LHCGR: variants seen among roughly 807,000 people sequenced by gnomAD.
LHCGR encodes luteinizing hormone/choriogonadotropin receptor, also known as lutropin-choriogonadotropic hormone receptor.
Under a neutral mutation model 60.7 loss-of-function variants are expected in LHCGR, and 55 were observed. The observed-to-expected ratio is 0.91, with a 90% CI of 0.73 to 1.13. The LOEUF is 1.13. Among genes scored for constraint, LHCGR ranks in the 50% most tolerant of loss-of-function variants. The probability of loss-of-function intolerance (pLI) is 0.00; values close to 1 mark genes in which losing one functional copy is unlikely to be tolerated. For missense variants in LHCGR, 862 were observed against 836.0 expected (o/e 1.03, Z -0.38); for synonymous variants, 337 against 316.5 (o/e 1.06, Z -0.69).
At chr2:48,706,975 T>C (rs1284110819) in intron 8 of LHCGR, among the ~76,000 whole-genome samples, 2 of 152,242 alleles carry the variant, frequency 1.3e-5, no homozygotes, top group African/African-American at 4.8e-5. Context: ...AGCGATGTTC[T>C]GGTTTTTGGA....
At position 48,688,730 on chromosome 2, in the gene LHCGR, A is replaced by T; in HGVS notation, c.1067T>A (p.Ile356Asn). 1 of 1,614,128 alleles carries T rather than the reference A, an allele frequency of 6.2e-7. No individual in the cohort carries two copies. Among genetic ancestry groups the T allele is most frequent in the Non-Finnish European group, 8.5e-7 (1 of 1,179,978 alleles). ...GACCCTAAGGAAGTCATAGCCCATA[A>T]TATCTTCACAGGGATTAAAAGCATC... is the stretch of plus-strand genomic sequence containing the variant. ...EPDAFNPCED[I>N]MGYDFLRVLI... The change falls in exon 11 of 11, where the codon ATT becomes AAT. Residue 356 changes from isoleucine (I) to asparagine (N), a missense_variant. Ile to Asn is a moderately radical substitution (Grantham distance 149). Transcript: ENST00000294954. This position sits in a 1 kb window ranked among gnomAD's most constrained non-coding sequence, Gnocchi z 5.2.
chr2:48,711,102 C>T (rs892049514), intron 7 of LHCGR, among the ~76,000 whole-genome samples: 2 of 152,154 alleles, frequency 1.3e-5, no homozygotes, highest in Non-Finnish European at 2.9e-5. Context: ...ATATCTGCTC[C>T]CTCTTTCTGT....
intron 3 of LHCGR, 71 bp from the exon 4 acceptor site, chr2:48,725,821 G>C: frequency 7.9e-7 from 1 of 1,272,096 alleles, no homozygotes; most frequent in Non-Finnish European, 1.1e-6. Context: ...GTGAGATCAT[G>C]GTCACCAGAA....
At chr2:48,690,383 G>T (rs1283451179) in intron 10 of LHCGR, among the ~76,000 whole-genome samples, 2 of 152,152 alleles carry the variant, frequency 1.3e-5, no homozygotes, top group South Asian at 4.1e-4. Context: ...ATTAATATCC[G>T]TGTGCCTCAA....
At chr2:48,706,950 A>T (rs531409546) in intron 8 of LHCGR, among the ~76,000 whole-genome samples, 41 of 152,216 alleles carry the variant, frequency 2.7e-4, no homozygotes, top group South Asian at 8.3e-4. Context: ...AGGAGTGGTG[A>T]TCCTTTGGAG....
rs545147460 is a variant in LHCGR, at chr2:48,723,713, G to A, written c.384-17C>T. On this transcript the variant is annotated splice_polypyrimidine_tract_variant and intron_variant, in intron 4 of 10. Transcript: ENST00000294954. ...CAGATGCTCCTGTGATTAGGGACAGGATAGTGGTGTGGGCAGAGAGTGGGT... is the reference window on the plus strand; with the variant it reads ...CAGATGCTCCTGTGATTAGGGACAGAATAGTGGTGTGGGCAGAGAGTGGGT... 32 of 1,593,072 alleles carry A rather than the reference G, an allele frequency of 2.0e-5. No homozygotes were observed. In the African/African-American group the frequency reaches 4.0e-4, roughly 20 times the overall value.
chr2:48,687,868 G>C lies in LHCGR; in HGVS notation c.1929C>G (p.Cys643Trp). 2 of 1,614,152 alleles carry C rather than the reference G, an allele frequency of 1.2e-6. No homozygotes were observed. Among genetic ancestry groups the C allele is most frequent in the Non-Finnish European group, 1.7e-6 (2 of 1,180,024 alleles). Residue 643 changes from cysteine (C) to tryptophan (W), a missense_variant, in exon 11 of 11, where the codon TGC becomes TGG. Physicochemically the swap from Cys to Trp is radical, Grantham distance 215 (BLOSUM62 -2). Transcript: ENST00000294954. ...DFFLLLSKFG[C>W]CKRRAELYRR... is the part of the protein sequence containing the mutation. ...TATAAAGTTCAGCCCGACGTTTACA[G>C]CAGCCAAATTTGCTCAGCAAAAGAA...
chr2:48,750,113 A>G (rs1288744350), intron 1 of LHCGR, among the ~76,000 whole-genome samples: 1 of 152,094 alleles, frequency 6.6e-6, no homozygotes, highest in Non-Finnish European at 1.5e-5. Flanking sequence ...GGTGGGACAT[A>G]AACTTTCTTA....
intron 6 of LHCGR, among the ~76,000 whole-genome samples, chr2:48,715,456 C>G (rs897760820): frequency 6.6e-6 from 1 of 152,178 alleles, no homozygotes; most frequent in African/African-American, 2.4e-5. Flanking sequence ...TAAAGTTAAA[C>G]TCCTTATATC....
chr2:48,713,893 C>T (rs981696294), intron 7 of LHCGR, 93 bp downstream of exon 7: 5 of 1,011,434 alleles, frequency 4.9e-6, no homozygotes, highest in Non-Finnish European at 7.7e-6. Context: ...TTTATTTTTG[C>T]CCTGAGTTAG....
intron 1 of LHCGR, among the ~76,000 whole-genome samples, chr2:48,734,129 G>T (rs1669119186): frequency 6.6e-6 from 1 of 152,180 alleles, no homozygotes; most frequent in Non-Finnish European, 1.5e-5. Context: ...CTAGGTGAGG[G>T]AGTATGTAAA....
chr2:48,693,822 A>G (rs1479524494), intron 10 of LHCGR, among the ~76,000 whole-genome samples: 1 of 152,214 alleles, frequency 6.6e-6, no homozygotes, highest in Non-Finnish European at 1.5e-5. Flanking sequence ...AGTCTCCTTT[A>G]AGGGAAGTGG....
intron 1 of LHCGR, among the ~76,000 whole-genome samples, chr2:48,735,732 G>A (rs746820045): frequency 6.6e-6 from 1 of 152,158 alleles, no homozygotes; most frequent in Non-Finnish European, 1.5e-5. Context: ...TAGTACTGAC[G>A]CACCAATTTC....
chr2:48,714,376 A>T (rs1436099281), intron 6 of LHCGR, among the ~76,000 whole-genome samples: 1 of 152,112 alleles, frequency 6.6e-6, no homozygotes, highest in Non-Finnish European at 1.5e-5. Context: ...AAGGCCAGAG[A>T]TGTTTAACAC....
chr2:48,743,890 G>C (rs1416185188), intron 1 of LHCGR, among the ~76,000 whole-genome samples: 1 of 151,726 alleles, frequency 6.6e-6, no homozygotes, highest in Admixed American at 6.6e-5. Context: ...ATTAGGAAAA[G>C]AGGAAGTCAA....
intron 7 of LHCGR, among the ~76,000 whole-genome samples, chr2:48,711,258 T>G (rs1667976480): frequency 6.6e-6 from 1 of 152,180 alleles, no homozygotes. Flanking sequence ...TAACAGGTTA[T>G]TTCCTTCATA....
chr2:48,716,178 A>G (rs1668241565), intron 6 of LHCGR, among the ~76,000 whole-genome samples: 1 of 152,196 alleles, frequency 6.6e-6, no homozygotes, highest in Non-Finnish European at 1.5e-5. Flanking sequence ...GTCCCTGGCC[A>G]GCTTCCAGCA....
chr2:48,749,264 T>C (rs1313016567), intron 1 of LHCGR, among the ~76,000 whole-genome samples: 2 of 152,192 alleles, frequency 1.3e-5, no homozygotes, highest in Non-Finnish European at 2.9e-5. Context: ...ATGAGGACCC[T>C]GTGGAGAAGC....
At chr2:48,700,965 CAG>C (rs1020950454) in intron 8 of LHCGR, among the ~76,000 whole-genome samples, 5 of 152,152 alleles carry the variant, frequency 3.3e-5, no homozygotes, top group South Asian at 2.1e-4. Flanking sequence ...ACGAAGTAGA[CAG>C]AGTGAGAACT....
Sources: allele counts gnomAD v4.1 joint callset (sites outside exome capture counted in the v4.1 genomes callset), GRCh38; gene constraint gnomAD v4.1.1; non-coding constraint Gnocchi (gnomAD v3.1); transcripts MANE v1.5; gene names NCBI Gene and HGNC (gene_info 2026-07-23, HGNC 2026-07-21).